RBL1: variants seen among roughly 807,000 people sequenced by gnomAD.
RBL1 encodes the protein RB transcriptional corepressor like 1.
In RBL1, 82 loss-of-function variants were observed where a neutral mutation model predicts 123.0. The observed-to-expected ratio is 0.67, with a 90% CI of 0.56 to 0.80. RBL1 has a LOEUF of 0.80. Among genes scored for constraint, RBL1 ranks in the 30% least tolerant of loss-of-function variants. The pLI, the probability that RBL1 is intolerant of heterozygous loss-of-function variation, is 0.00. For missense variants in RBL1, 1,171 were observed against 1,299.6 expected, an observed-to-expected ratio of 0.90 and a Z score of 1.52; for synonymous variants, 405 against 441.3, an observed-to-expected ratio of 0.92 and a Z score of 1.03.
At chr20:37,095,652 G>A in intron 1 of RBL1, 121 bp downstream of exon 1, 1 of 869,210 alleles carries the variant, frequency 1.2e-6, no homozygotes, top group African/African-American at 1.7e-5. Flanking sequence ...CTCGGCGCTT[G>A]GCTGCGCAGC....
chr20:37,003,697 C>CTAA lies in RBL1; in HGVS notation c.3036+4_3036+5insTTA, dbSNP rs2064022595. The CTAA allele has an allele frequency of 1.3e-6, 2 of 1,597,462 alleles. No individual in the cohort carries two copies. The highest frequency in any genetic ancestry group is 1.7e-4 in the Middle Eastern group (1 of 5,982). On this transcript the variant is annotated splice_donor_region_variant and intron_variant, in intron 21 of 21. Coordinates refer to ENST00000373664, the MANE Select transcript of RBL1 (RefSeq NM_002895.5). ...GAAATCCAACTTTTAGCCTATTCAC[C>CTAA]TTACCTTAGAAGGGCTGCCATTGAA...
intron 11 of RBL1, among the ~76,000 whole-genome samples, chr20:37,051,096 C>T (rs1470648714): frequency 6.6e-6 from 1 of 152,044 alleles, no homozygotes; most frequent in East Asian, 1.9e-4. Context: ...AATCATACTA[C>T]ACAGCATACA....
intron 19 of RBL1, among the ~76,000 whole-genome samples, chr20:37,014,289 C>T (rs577007432): frequency 6.6e-6 from 1 of 151,982 alleles, no homozygotes; most frequent in African/African-American, 2.4e-5. Flanking sequence ...ATGTTACCCA[C>T]AATGGTCTTG....
At chr20:37,012,899 C>A (rs1360593808) in intron 19 of RBL1, among the ~76,000 whole-genome samples, 1 of 148,964 alleles carries the variant, frequency 6.7e-6, no homozygotes, top group Admixed American at 6.6e-5. Flanking sequence ...CCAGCCGCCC[C>A]GTCCGGGAGG....
chr20:37,007,586 T>C (rs199593581), intron 19 of RBL1, 27 bp from the exon 20 acceptor site: 169 of 1,603,934 alleles, frequency 1.1e-4, no homozygotes, highest in Non-Finnish European at 1.3e-4. Context: ...AATGTTGTGA[T>C]ACAAAGCATA....
intron 2 of RBL1, among the ~76,000 whole-genome samples, chr20:37,086,850 T>A (rs1029506349): frequency 6.6e-6 from 1 of 152,080 alleles, no homozygotes; most frequent in Non-Finnish European, 1.5e-5. Context: ...AGTAGAGAAA[T>A]AGGACAACAT....
At chr20:37,017,423 A>T (rs1470591498) in intron 19 of RBL1, among the ~76,000 whole-genome samples, 1 of 151,984 alleles carries the variant, frequency 6.6e-6, no homozygotes, top group Non-Finnish European at 1.5e-5. Flanking sequence ...ATACACCTGA[A>T]ATACATGGAA....
At chr20:37,020,794 C>A in intron 17 of RBL1, 64 bp from the exon 18 acceptor site, 1 of 1,137,040 alleles carries the variant, frequency 8.8e-7, no homozygotes, top group South Asian at 1.4e-5. Context: ...CTGAACAAAA[C>A]TTCAATTATA....
chr20:37,024,456 TC>T (rs983320680), intron 16 of RBL1, among the ~76,000 whole-genome samples: 4 of 152,186 alleles, frequency 2.6e-5, no homozygotes, highest in Non-Finnish European at 4.4e-5. Flanking sequence ...ACAGAGCTGA[TC>T]CAATGCTTAC....
intron 9 of RBL1, among the ~76,000 whole-genome samples, chr20:37,057,842 G>T (rs904472195): frequency 6.6e-6 from 1 of 151,942 alleles, no homozygotes; most frequent in East Asian, 1.9e-4. Context: ...ACAAAAATTG[G>T]CCAGGCCTGT....
At chr20:37,045,020 AT>A (rs1193444034) in intron 12 of RBL1, among the ~76,000 whole-genome samples, 2 of 152,012 alleles carry the variant, frequency 1.3e-5, no homozygotes, top group African/African-American at 4.8e-5. Flanking sequence ...TATACACAAA[AT>A]ATTAATAATA....
intron 2 of RBL1, among the ~76,000 whole-genome samples, chr20:37,069,635 C>T (rs1248020876): frequency 2.4e-4 from 36 of 150,044 alleles, no homozygotes; most frequent in African/African-American, 8.4e-4. Flanking sequence ...GGAGCCCCTC[C>T]GCCCGGCAGC....
At chr20:37,065,522 TAC>T in intron 6 of RBL1, 49 bp from the exon 7 acceptor site, 1 of 1,236,164 alleles carries the variant, frequency 8.1e-7, no homozygotes, top group Non-Finnish European at 1.2e-6. Flanking sequence ...AGCATATTAA[TAC>T]ACACACAAAC....
In RBL1 at chr20:37,056,131, G is replaced by T. The variant is rs2065000944; in HGVS notation, c.1363+15C>A. 1 of 1,599,266 alleles carries T rather than the reference G, an allele frequency of 6.3e-7. No homozygotes were observed. The highest frequency in any genetic ancestry group is 1.1e-5 in the South Asian group (1 of 88,470). On this transcript the variant is annotated intron_variant, in intron 10 of 21. Coordinates refer to ENST00000373664, the MANE Select transcript of RBL1 (RefSeq NM_002895.5). Reference sequence around the variant, plus strand: ...TATTTTCAATGCTATGCCAACTGTAGTTTTCTTTTCTTACCTATGTGAGAT... The same window carrying T: ...TATTTTCAATGCTATGCCAACTGTATTTTTCTTTTCTTACCTATGTGAGAT...
intron 21 of RBL1, among the ~76,000 whole-genome samples, chr20:37,002,434 C>T (rs1190193305): frequency 1.4e-5 from 2 of 142,884 alleles, no homozygotes; most frequent in East Asian, 4.3e-4. Context: ...ACCTCTGCCT[C>T]CTGGGTTCAA....
At chr20:37,023,085 A>G (rs2064368571) in intron 16 of RBL1, among the ~76,000 whole-genome samples, 1 of 151,842 alleles carries the variant, frequency 6.6e-6, no homozygotes, top group South Asian at 2.1e-4. Flanking sequence ...GAAATATAGG[A>G]TTTACCTGCA....
At chr20:37,024,077 G>A (rs1302455865) in intron 16 of RBL1, among the ~76,000 whole-genome samples, 1 of 151,960 alleles carries the variant, frequency 6.6e-6, no homozygotes, top group South Asian at 2.1e-4. Context: ...GAGTCACTGC[G>A]CCTGGCCCAA....
chr20:37,062,448 T>C (rs188419732), intron 7 of RBL1, among the ~76,000 whole-genome samples, 178 bp from the exon 8 acceptor site: 1 of 152,088 alleles, frequency 6.6e-6, no homozygotes, highest in Non-Finnish European at 1.5e-5. Flanking sequence ...TTCAAATTCA[T>C]ATATACAACC....
At chr20:37,054,415 C>T (rs1273312892) in intron 11 of RBL1, among the ~76,000 whole-genome samples, 7 of 151,602 alleles carry the variant, frequency 4.6e-5, no homozygotes, top group African/African-American at 9.7e-5. Flanking sequence ...ACTCGCGAGG[C>T]GGAGGTTGCA....
Sources: gnomAD v4.1 joint callset for allele counts (sites outside exome capture counted in the v4.1 genomes callset) on GRCh38, gnomAD v4.1.1 for gene constraint, MANE v1.5 for transcripts, NCBI Gene and HGNC (gene_info 2026-07-23, HGNC 2026-07-21) for gene names.